GRIA3: variants seen among roughly 807,000 people sequenced by gnomAD.
GRIA3 encodes the protein glutamate ionotropic receptor AMPA type subunit 3.
A neutral mutation model predicts 63.0 loss-of-function variants in GRIA3; 3 were observed. The observed-to-expected ratio is 0.05, with a 90% CI of 0.02 to 0.12. The LOEUF (loss-of-function observed/expected upper bound fraction) is 0.12. Ranked by LOEUF, GRIA3 falls within the 10% of genes least tolerant of loss-of-function variation. The pLI, the probability that GRIA3 is intolerant of heterozygous loss-of-function variation, is 1.00. For missense variants in GRIA3, 347 were observed against 700.9 expected, an observed-to-expected ratio of 0.50 and a Z score of 5.70; for synonymous variants, 274 against 257.9, an observed-to-expected ratio of 1.06 and a Z score of -0.60.
intron 12 of GRIA3, among the ~76,000 whole-genome samples, chrX:123,430,166 T>C (rs948333005): frequency 8.9e-6 from 1 of 112,448 alleles, no homozygotes; most frequent in African/African-American, 3.2e-5. Context: ...GCAAAGCTAT[T>C]GCCACATTCT....
In GRIA3 at chrX:123,417,483, C is replaced by T; in HGVS notation, c.1582C>T (p.Leu528=). The T allele has an allele frequency of 1.7e-6, 2 of 1,208,008 alleles. No individual in the cohort carries two copies. ...AGATTTTTCAAAGCCATTCATGAGC[C>T]TGGGCATCTCCATCATGATAAAGAA... ...VIDFSKPFMS[L]GISIMIKKPQ... is the part of the protein sequence containing the mutation. The change falls in exon 11 of 16, where the codon CTG becomes TTG. Residue 528 remains leucine, a synonymous_variant. Transcript: ENST00000620443.
At chrX:123,396,169 G>T (rs1379048875) in intron 6 of GRIA3, among the ~76,000 whole-genome samples, 2 of 104,034 alleles carry the variant, frequency 1.9e-5, no homozygotes, top group Non-Finnish European at 3.9e-5. Context: ...TCATGCCACT[G>T]CACTCCAGCC....
intron 10 of GRIA3, among the ~76,000 whole-genome samples, chrX:123,413,532 C>CAAAAAA (rs570201736): frequency 1.9e-4 from 3 of 15,879 alleles, no homozygotes; most frequent in African/African-American, 4.7e-4. Flanking sequence ...CTCTCTCTGC[C>CAAAAAA]AAAAAAAAAA....
intron 12 of GRIA3, among the ~76,000 whole-genome samples, chrX:123,433,181 G>A (rs2045628116): frequency 8.9e-6 from 1 of 112,052 alleles, no homozygotes; most frequent in African/African-American, 3.2e-5. Context: ...AATTTGATAT[G>A]TTTGGACAGT....
intron 5 of GRIA3, among the ~76,000 whole-genome samples, chrX:123,389,107 A>C (rs1370815134): frequency 8.9e-6 from 1 of 112,059 alleles, no homozygotes; most frequent in Non-Finnish European, 1.9e-5. Context: ...GATATTCTAA[A>C]TTTTTTTGAG....
chrX:123,398,458 G>A (rs2045425772), intron 6 of GRIA3, among the ~76,000 whole-genome samples, 178 bp from the exon 7 acceptor site: 1 of 111,911 alleles, frequency 8.9e-6, no homozygotes, highest in African/African-American at 3.2e-5. Context: ...CACACATGAG[G>A]TAAGAACTAT....
intron 5 of GRIA3, among the ~76,000 whole-genome samples, chrX:123,364,046 C>G (rs766897847): frequency 8.9e-6 from 1 of 112,078 alleles, no homozygotes; most frequent in Admixed American, 9.5e-5. Context: ...ACATGGCTAG[C>G]CAACAAAACC....
intron 2 of GRIA3, among the ~76,000 whole-genome samples, chrX:123,252,164 C>A (rs995886404): frequency 8.9e-6 from 1 of 112,168 alleles, no homozygotes; most frequent in African/African-American, 3.2e-5. Flanking sequence ...ATTTCCCACT[C>A]ATCCTTGCAT....
At position 123,202,447 on chromosome X, in the gene GRIA3, C is replaced by T. The variant is rs147985647; in HGVS notation, c.268+16457C>T. ...GTGTGAAGTGTGTTAATACAATAAA[C>T]TCAAATGTGGTCTCACTAGTCTTAG... On this transcript the variant is annotated intron_variant, in intron 2 of 15. Transcript: ENST00000620443. 4.4e-3 allele frequency among the ~76,000 whole-genome samples: 496 copies of T among 112,467 alleles called. 1 individual carries two copies. The highest frequency in any genetic ancestry group is 7.8e-3 in the Non-Finnish European group (413 of 53,255).
chrX:123,419,471 T>C (rs1205354886), intron 11 of GRIA3, among the ~76,000 whole-genome samples: 1 of 110,511 alleles, frequency 9.0e-6, no homozygotes, highest in Non-Finnish European at 1.9e-5. Flanking sequence ...CCACATATCA[T>C]GCCATTTGAA....
chrX:123,470,853 AC>A (rs752863207), intron 13 of GRIA3, among the ~76,000 whole-genome samples: 68 of 112,086 alleles, frequency 6.1e-4, no homozygotes, highest in South Asian at 5.2e-3. Flanking sequence ...AACAAAATGG[AC>A]CTTTTATTGG....
intron 3 of GRIA3, among the ~76,000 whole-genome samples, chrX:123,303,122 G>A (rs1440247013): frequency 1.8e-5 from 2 of 110,974 alleles, no homozygotes; most frequent in African/African-American, 3.3e-5. Flanking sequence ...CAGATATTGG[G>A]TTGCAGGATC....
At chrX:123,283,219 A>G (rs2044597198) in intron 3 of GRIA3, among the ~76,000 whole-genome samples, 1 of 111,736 alleles carries the variant, frequency 8.9e-6, no homozygotes, top group Non-Finnish European at 1.9e-5. Context: ...TGACCCAGAT[A>G]CTATGCTTTT....
At chrX:123,226,069 T>C (rs1289821394) in intron 2 of GRIA3, among the ~76,000 whole-genome samples, 2 of 111,586 alleles carry the variant, frequency 1.8e-5, no homozygotes, top group Admixed American at 1.9e-4. Context: ...CAAACACTTA[T>C]AGTCTTTTTC....
chrX:123,395,948 G>C (rs934213792), intron 6 of GRIA3, among the ~76,000 whole-genome samples: 3 of 110,258 alleles, frequency 2.7e-5, no homozygotes, highest in Non-Finnish European at 5.7e-5. Flanking sequence ...GATCAAAATA[G>C]AGTCAAGACC....
chrX:123,422,745 C>T (rs1275634206), intron 11 of GRIA3, among the ~76,000 whole-genome samples: 1 of 112,249 alleles, frequency 8.9e-6, no homozygotes, highest in African/African-American at 3.2e-5. Context: ...AAATTGGCTG[C>T]ACATAATCAT....
intron 2 of GRIA3, among the ~76,000 whole-genome samples, chrX:123,242,644 G>A (rs1383042599): frequency 1.8e-5 from 2 of 112,493 alleles, no homozygotes; most frequent in Non-Finnish European, 3.8e-5. Context: ...TGGAAGCCAA[G>A]TACCAATACT....
At chrX:123,366,444 T>C (rs141393111) in intron 5 of GRIA3, among the ~76,000 whole-genome samples, 1 of 111,537 alleles carries the variant, frequency 9.0e-6, no homozygotes, top group Non-Finnish European at 1.9e-5. Flanking sequence ...TCCCTTGCAT[T>C]TGGGGTAGAG....
At chrX:123,271,715 A>T (rs112266084) in intron 3 of GRIA3, among the ~76,000 whole-genome samples, 8 of 111,710 alleles carry the variant, frequency 7.2e-5, no homozygotes, top group African/African-American at 2.6e-4. Context: ...TCGTCACAAA[A>T]ATTTTACCAA....
Sources: gnomAD v4.1 joint callset for allele counts (sites outside exome capture counted in the v4.1 genomes callset) on GRCh38, gnomAD v4.1.1 for gene constraint, MANE v1.5 for transcripts, NCBI Gene and HGNC (gene_info 2026-07-23, HGNC 2026-07-21) for gene names.